The following ABTB3 variants were observed in gnomAD, a reference collection of about 807,000 sequenced individuals.
The protein encoded by ABTB3 is ankyrin repeat and BTB domain containing 3.
the ABTB3 span, among the ~76,000 whole-genome samples, chr12:107,574,423 T>C: frequency 2.0e-5 from 3 of 152,214 alleles, no homozygotes; most frequent in African/African-American, 4.8e-5. Flanking sequence ...TGGGAGCGCA[T>C]TAGAAATGCA....
At chr12:107,419,213 A>T in the ABTB3 span, among the ~76,000 whole-genome samples, 3 of 152,238 alleles carry the variant, frequency 2.0e-5, no homozygotes. Flanking sequence ...AATGAGGCCC[A>T]CATGGCTGTG....
the ABTB3 span, among the ~76,000 whole-genome samples, chr12:107,387,138 C>T: frequency 2.0e-5 from 3 of 151,982 alleles, no homozygotes; most frequent in Admixed American, 6.5e-5. Flanking sequence ...CCACCACGCC[C>T]AGCTAATTTT....
chr12:107,547,038 A>G, the ABTB3 span, among the ~76,000 whole-genome samples: 1 of 152,094 alleles, frequency 6.6e-6, no homozygotes, highest in Non-Finnish European at 1.5e-5. Flanking sequence ...TATGAAAAGT[A>G]CAAAAATTAG....
chr12:107,620,095 G>A, the ABTB3 span: 3 of 1,614,218 alleles, frequency 1.9e-6, no homozygotes, highest in African/African-American at 1.3e-5. Flanking sequence ...CCATTCAGGA[G>A]GAGGAATACA....
the ABTB3 span, among the ~76,000 whole-genome samples, chr12:107,518,656 G>A: frequency 6.6e-6 from 1 of 151,818 alleles, no homozygotes; most frequent in Non-Finnish European, 1.5e-5. Context: ...TAATGTAAAT[G>A]ACGAGTTAAT....
chr12:107,493,604 G>A, the ABTB3 span, among the ~76,000 whole-genome samples: 2 of 152,150 alleles, frequency 1.3e-5, no homozygotes, highest in East Asian at 3.8e-4. Context: ...AAATTCATAT[G>A]GTGAGGTCCT....
At chr12:107,371,282 G>A in the ABTB3 span, among the ~76,000 whole-genome samples, 1 of 152,122 alleles carries the variant, frequency 6.6e-6, no homozygotes, top group Non-Finnish European at 1.5e-5. Context: ...AGGAGATTTA[G>A]GAAATCTGCC....
At chr12:107,579,073 GC>G in the ABTB3 span, among the ~76,000 whole-genome samples, 1 of 152,212 alleles carries the variant, frequency 6.6e-6, no homozygotes, top group African/African-American at 2.4e-5. Context: ...CTGGGGTGAG[GC>G]CCACAATGCG....
the ABTB3 span, among the ~76,000 whole-genome samples, chr12:107,467,985 G>T: frequency 2.0e-5 from 3 of 152,180 alleles, no homozygotes; most frequent in Admixed American, 6.5e-5. Flanking sequence ...TGTGCAGGAA[G>T]AAGAAAAGGA....
chr12:107,391,048 G>A, the ABTB3 span, among the ~76,000 whole-genome samples: 1 of 152,212 alleles, frequency 6.6e-6, no homozygotes, highest in African/African-American at 2.4e-5. Flanking sequence ...CTACTTGGGA[G>A]GCTGAGGCAG....
chr12:107,562,672 T>A, the ABTB3 span, among the ~76,000 whole-genome samples: 1 of 152,240 alleles, frequency 6.6e-6, no homozygotes, highest in African/African-American at 2.4e-5. Flanking sequence ...TTATTTGAGA[T>A]GAGTTGAACT....
chr12:107,649,608 C>T, the ABTB3 span: 1 of 330,134 alleles, frequency 3.0e-6, no homozygotes, highest in Non-Finnish European at 5.8e-6. Flanking sequence ...TCTGAGGCTA[C>T]AGCTGAGGCG....
chr12:107,456,699 A>G, the ABTB3 span, among the ~76,000 whole-genome samples: 1 of 152,176 alleles, frequency 6.6e-6, no homozygotes, highest in Non-Finnish European at 1.5e-5. Context: ...CCATGGAAGA[A>G]TTATCTTTCA....
At chr12:107,416,884 C>T in the ABTB3 span, among the ~76,000 whole-genome samples, 58 of 152,292 alleles carry the variant, frequency 3.8e-4, no homozygotes, top group East Asian at 8.1e-3. Context: ...CCTCCTACTT[C>T]GGCCTCCCAA....
chr12:107,551,714 C>T, the ABTB3 span, among the ~76,000 whole-genome samples: 10 of 152,086 alleles, frequency 6.6e-5, no homozygotes, highest in Middle Eastern at 3.4e-3. Flanking sequence ...TTGGCCCTTC[C>T]CAGAAGAAGT....
chr12:107,581,925 C>G, the ABTB3 span, among the ~76,000 whole-genome samples: 2 of 152,166 alleles, frequency 1.3e-5, no homozygotes, highest in Non-Finnish European at 2.9e-5. Flanking sequence ...TGTGTGCGTG[C>G]GCGTGCACGC....
At chr12:107,539,100 TA>T in the ABTB3 span, among the ~76,000 whole-genome samples, 1 of 152,212 alleles carries the variant, frequency 6.6e-6, no homozygotes, top group South Asian at 2.1e-4. Context: ...ATTGATATAA[TA>T]ATGCTCACCT....
At chr12:107,649,223 C>T in the ABTB3 span, 1 of 1,613,332 alleles carries the variant, frequency 6.2e-7, no homozygotes, top group African/African-American at 1.3e-5. Context: ...TGCAGTATCT[C>T]TACTATGGTG....
the ABTB3 span, among the ~76,000 whole-genome samples, chr12:107,375,680 G>A: frequency 6.6e-6 from 1 of 152,108 alleles, no homozygotes; most frequent in Non-Finnish European, 1.5e-5. Context: ...TTACCTGCTG[G>A]AGGCCAGACC....
Sources: allele counts gnomAD v4.1 joint callset (sites outside exome capture counted in the v4.1 genomes callset), GRCh38; gene constraint gnomAD v4.1.1; transcripts MANE v1.5; gene names NCBI Gene and HGNC (gene_info 2026-07-23, HGNC 2026-07-21).